EYS: variants seen among roughly 807,000 people sequenced by gnomAD.
The protein encoded by EYS is EGF-like photoreceptor maintenance factor.
Under a neutral mutation model 282.1 loss-of-function variants are expected in EYS, and 250 were observed. The observed-to-expected ratio is 0.89, with a 90% CI of 0.80 to 0.98. EYS has a LOEUF of 0.98. EYS is among the 50% of genes least tolerant of loss of function. The pLI is 0.00. For synonymous variants in EYS, 1,355 were observed against 1,282.9 expected, an observed-to-expected ratio of 1.06 and a Z score of -1.20; for missense variants, 4,016 against 3,709.0, an observed-to-expected ratio of 1.08 and a Z score of -2.15.
At chr6:65,067,332 T>C (rs1232810556) in intron 12 of EYS, among the ~76,000 whole-genome samples, 1 of 151,964 alleles carries the variant, frequency 6.6e-6, no homozygotes, top group Non-Finnish European at 1.5e-5. Context: ...CCTTAGTCCC[T>C]AAAAATTGGA....
intron 15 of EYS, 31 bp from the exon 16 acceptor site, chr6:64,912,774 G>T (rs1334157890): frequency 8.5e-6 from 11 of 1,294,078 alleles, no homozygotes; most frequent in East Asian, 2.8e-5. Context: ...TTTTAGAAGT[G>T]TGAACTCTTT....
intron 8 of EYS, among the ~76,000 whole-genome samples, chr6:65,365,081 AAC>A (rs1335490011): frequency 2.0e-5 from 3 of 151,688 alleles, no homozygotes; most frequent in East Asian, 1.9e-4. Flanking sequence ...TGGAAAAATA[AAC>A]AGTCAGGACT....
intron 36 of EYS, chr6:63,857,774 C>T: frequency 4.7e-6 from 1 of 212,316 alleles, no homozygotes; most frequent in Non-Finnish European, 1.0e-5. Context: ...ACAACACTGA[C>T]AATTACAGGC....
At chr6:64,054,699 T>C (rs936029476) in intron 33 of EYS, among the ~76,000 whole-genome samples, 2 of 152,140 alleles carry the variant, frequency 1.3e-5, no homozygotes, top group Admixed American at 1.3e-4. Flanking sequence ...TAGTTATAGT[T>C]GAATGACTTT....
intron 19 of EYS, among the ~76,000 whole-genome samples, chr6:64,825,245 A>G (rs921902979): frequency 6.6e-6 from 1 of 151,888 alleles, no homozygotes; most frequent in Non-Finnish European, 1.5e-5. Flanking sequence ...ACACAATACA[A>G]AATTGCATTC....
intron 28 of EYS, among the ~76,000 whole-genome samples, chr6:64,392,414 T>G (rs1181018044): frequency 6.7e-6 from 1 of 149,946 alleles, no homozygotes; most frequent in Non-Finnish European, 1.5e-5. Flanking sequence ...GAACAGAAAT[T>G]ATAACAAACT....
At chr6:65,136,659 C>T in intron 12 of EYS, among the ~76,000 whole-genome samples, 1 of 126,016 alleles carries the variant, frequency 7.9e-6, no homozygotes, top group Non-Finnish European at 1.6e-5. Context: ...CAGTATGTTA[C>T]TAGACAAAAA....
chr6:65,320,720 G>A lies in EYS; in HGVS notation c.1766+14260C>T, dbSNP rs147884423. ...AGCCTCTAGGGCTCAGCCCCTTCAGGGATTCTTTTAGCTGCAGAGGTGCAG... is the reference window on the plus strand; with the variant it reads ...AGCCTCTAGGGCTCAGCCCCTTCAGAGATTCTTTTAGCTGCAGAGGTGCAG... On this transcript the variant is annotated intron_variant, in intron 11 of 42. Transcript: ENST00000503581. Among the ~76,000 whole-genome samples, 1,243 of 152,254 alleles carry A rather than the reference G, an allele frequency of 8.2e-3. 16 individuals are homozygous for A. The highest frequency in any genetic ancestry group is 0.029 in the African/African-American group (1,190 of 41,548).
intron 13 of EYS, among the ~76,000 whole-genome samples, chr6:65,026,191 C>G (rs1202816802): frequency 6.6e-6 from 1 of 151,850 alleles, no homozygotes; most frequent in African/African-American, 2.4e-5. Flanking sequence ...TTTATATTAA[C>G]TCTATCCACT....
chr6:65,327,692 TA>T (rs1347160772), intron 11 of EYS, among the ~76,000 whole-genome samples: 2 of 151,490 alleles, frequency 1.3e-5, no homozygotes, highest in Non-Finnish European at 3.0e-5. Flanking sequence ...AACTCTAATA[TA>T]AAAAGTATAA....
At chr6:64,060,585 T>C (rs1207273317) in intron 33 of EYS, among the ~76,000 whole-genome samples, 2 of 152,156 alleles carry the variant, frequency 1.3e-5, no homozygotes, top group Non-Finnish European at 2.9e-5. Context: ...GGATTTTGCA[T>C]TACAATAAAT....
Position 64,638,058 on chromosome 6 carries a change from C to T in EYS, c.3444-11813G>A, listed in dbSNP as rs1768034360. ...TTCAAATATACTGAACTTAAGGATA[C>T]ACTGAGCATTTCAGAGCAACCCACT... is the stretch of plus-strand genomic sequence containing the variant. On this transcript the variant is annotated intron_variant, in intron 22 of 42. Coordinates refer to ENST00000503581, the MANE Select transcript of EYS (RefSeq NM_001142800.2). 4.4e-5 allele frequency among the ~76,000 whole-genome samples: 4 copies of T among 91,406 alleles called. 2 individuals carry two copies. In the East Asian group the frequency reaches 9.7e-4, roughly 22 times the overall value. 60.0% of individuals were successfully genotyped at this position (91,406 alleles called of 152,430 possible).
At chr6:65,016,411 C>G (rs900765007) in intron 13 of EYS, among the ~76,000 whole-genome samples, 6 of 152,094 alleles carry the variant, frequency 3.9e-5, no homozygotes, top group South Asian at 2.1e-4. Flanking sequence ...CTAAGCATGT[C>G]TTCATATGAG....
intron 40 of EYS, 22 bp from the exon 41 acceptor site, chr6:63,762,655 C>T: frequency 6.5e-7 from 1 of 1,547,842 alleles, no homozygotes; most frequent in Non-Finnish European, 8.7e-7. Flanking sequence ...GAGAAAGCCG[C>T]ATGGTTTGAG....
intron 8 of EYS, among the ~76,000 whole-genome samples, chr6:65,355,548 G>A (rs1016678687): frequency 2.0e-5 from 3 of 152,032 alleles, no homozygotes; most frequent in Non-Finnish European, 4.4e-5. Flanking sequence ...TTCAGATTGG[G>A]AGAAAATATT....
At chr6:64,489,836 G>A (rs772759055) in intron 26 of EYS, among the ~76,000 whole-genome samples, 2 of 150,280 alleles carry the variant, frequency 1.3e-5, no homozygotes, top group Non-Finnish European at 3.0e-5. Flanking sequence ...ATATACTTCT[G>A]GTTACATATT....
intron 30 of EYS, among the ~76,000 whole-genome samples, chr6:64,255,829 G>T (rs1767380388): frequency 1.3e-5 from 2 of 151,932 alleles, no homozygotes; most frequent in African/African-American, 4.8e-5. Flanking sequence ...AGGCCACTTT[G>T]GTAGTCTATT....
intron 12 of EYS, among the ~76,000 whole-genome samples, chr6:65,190,396 C>G (rs1225481540): frequency 6.7e-6 from 1 of 149,958 alleles, no homozygotes; most frequent in African/African-American, 2.4e-5. Flanking sequence ...CATCGTTATT[C>G]ATTGTTATAC....
In EYS at chr6:65,344,166, C is replaced by G. The variant is rs151187049; in HGVS notation, c.1471G>C (p.Glu491Gln). 6.8e-6 allele frequency: 11 copies of G among 1,608,726 alleles called. No homozygotes were observed. In the African/African-American group the frequency reaches 1.5e-4, roughly 22 times the overall value. The change falls in exon 10 of 43, where the codon GAA becomes CAA. Residue 491 changes from glutamate (E) to glutamine (Q), a missense_variant. By Grantham distance (29) the Glu-to-Gln change is conservative. Coordinates refer to ENST00000503581, the MANE Select transcript of EYS (RefSeq NM_001142800.2). Reference protein sequence around the residue: ...WQLGFAGSEGEKCQGVIDAYF... With the variant: ...WQLGFAGSEGQKCQGVIDAYF... ...GCATCAATAACCCCTTGGCACTTTT[C>G]GCCTTCAGATCCTTTAAAAAAAAAG...
Sources: gnomAD v4.1 joint callset for allele counts (sites outside exome capture counted in the v4.1 genomes callset) on GRCh38, gnomAD v4.1.1 for gene constraint, MANE v1.5 for transcripts, NCBI Gene and HGNC (gene_info 2026-07-23, HGNC 2026-07-21) for gene names.